Variants in ASTN2 observed in about 807,000 individuals in gnomAD.
ASTN2 encodes astrotactin 2, also known as astrotactin-2.
A neutral mutation model predicts 139.8 loss-of-function variants in ASTN2; 54 were observed. The ratio of observed to expected loss-of-function variants is 0.39; its 90% CI spans 0.31 to 0.48. The LOEUF (loss-of-function observed/expected upper bound fraction) is 0.48, where lower values mean the gene tolerates loss of function less well. Ranked by LOEUF, ASTN2 falls within the 20% of genes least tolerant of loss-of-function variation. ASTN2 has a pLI of 0.95. For synonymous variants in ASTN2, 756 were observed against 719.5 expected (o/e 1.05, Z -0.81); for missense variants, 1,565 against 1,725.1 (o/e 0.91, Z 1.64).
At chr9:116,716,797 T>C (rs1270541063) in intron 16 of ASTN2, among the ~76,000 whole-genome samples, 1 of 152,202 alleles carries the variant, frequency 6.6e-6, no homozygotes, top group Admixed American at 6.5e-5. Flanking sequence ...AGAAGCAGAT[T>C]ATGCTGGGAG....
At chr9:117,002,293 C>A (rs150793158) in intron 7 of ASTN2, among the ~76,000 whole-genome samples, 35 of 152,236 alleles carry the variant, frequency 2.3e-4, no homozygotes, top group Admixed American at 6.5e-4. Context: ...GTAATCCATT[C>A]TACTGAGAAG....
intron 16 of ASTN2, among the ~76,000 whole-genome samples, chr9:116,680,331 T>C (rs561089679): frequency 1.3e-5 from 2 of 152,258 alleles, no homozygotes; most frequent in East Asian, 1.9e-4. Flanking sequence ...CAGGAAGAAG[T>C]TGAATCTCTG....
chr9:116,767,371 A>G (rs997936387), intron 13 of ASTN2, among the ~76,000 whole-genome samples: 1 of 152,218 alleles, frequency 6.6e-6, no homozygotes, highest in Non-Finnish European at 1.5e-5. Flanking sequence ...GTGATTGTTC[A>G]GGTTTAATTA....
intron 20 of ASTN2, among the ~76,000 whole-genome samples, chr9:116,469,154 G>A (rs548122399): frequency 1.3e-5 from 2 of 152,238 alleles, no homozygotes; most frequent in African/African-American, 2.4e-5. Flanking sequence ...AGAGAAAAAG[G>A]TACTCAAAAA....
chr9:117,012,980 A>G (rs575579012), intron 6 of ASTN2, among the ~76,000 whole-genome samples: 4 of 152,184 alleles, frequency 2.6e-5, no homozygotes, highest in Non-Finnish European at 5.9e-5. Flanking sequence ...AAGATCAGAT[A>G]TGAAAAATCT....
At chr9:117,031,764 G>T (rs1331587789) in intron 6 of ASTN2, among the ~76,000 whole-genome samples, 1 of 152,096 alleles carries the variant, frequency 6.6e-6, no homozygotes, top group Non-Finnish European at 1.5e-5. Flanking sequence ...AGGCAACAGA[G>T]AAATTTAAGA....
intron 6 of ASTN2, among the ~76,000 whole-genome samples, chr9:117,034,197 G>A (rs1302733420): frequency 6.6e-6 from 1 of 152,074 alleles, no homozygotes; most frequent in Non-Finnish European, 1.5e-5. Context: ...CTCTTCTATT[G>A]GCTGACCACA....
chr9:117,255,111 A>G (rs1833648716), intron 2 of ASTN2, among the ~76,000 whole-genome samples: 1 of 152,202 alleles, frequency 6.6e-6, no homozygotes, highest in African/African-American at 2.4e-5. Flanking sequence ...TTGGTGACTT[A>G]TTCCATTCTG....
chr9:116,905,875 G>T (rs1046047431), intron 10 of ASTN2, among the ~76,000 whole-genome samples: 4 of 139,190 alleles, frequency 2.9e-5, no homozygotes, highest in Admixed American at 7.3e-5. Context: ...TTGGGGGGGG[G>T]TGCGGGGGGT....
chr9:117,164,668 G>A (rs1830629699), intron 3 of ASTN2, among the ~76,000 whole-genome samples: 1 of 152,070 alleles, frequency 6.6e-6, no homozygotes, highest in Admixed American at 6.6e-5. Flanking sequence ...AAGCAGCGAA[G>A]GTTCCTCAGG....
At chr9:116,589,178 G>A (rs1276460555) in intron 19 of ASTN2, among the ~76,000 whole-genome samples, 1 of 152,210 alleles carries the variant, frequency 6.6e-6, no homozygotes, top group African/African-American at 2.4e-5. Flanking sequence ...ATTAAGAAAG[G>A]TAGGAGGAAT....
At chr9:117,378,974 C>T (rs1830196204) in intron 1 of ASTN2, among the ~76,000 whole-genome samples, 1 of 152,122 alleles carries the variant, frequency 6.6e-6, no homozygotes, top group African/African-American at 2.4e-5. Flanking sequence ...ACCACCTCCT[C>T]CTTTGCTCTC....
chr9:116,794,240 A>G (rs1830631109), intron 13 of ASTN2, among the ~76,000 whole-genome samples: 1 of 151,806 alleles, frequency 6.6e-6, no homozygotes, highest in Non-Finnish European at 1.5e-5. Context: ...CTGGGATTAC[A>G]GGCAGGCGCC....
intron 16 of ASTN2, among the ~76,000 whole-genome samples, chr9:116,680,156 A>G (rs1401468481): frequency 3.3e-5 from 5 of 152,190 alleles, no homozygotes; most frequent in Non-Finnish European, 7.3e-5. Context: ...AAGAGAGAAG[A>G]ATCAAATAGA....
intron 16 of ASTN2, among the ~76,000 whole-genome samples, chr9:116,720,973 C>T (rs1411930474): frequency 6.6e-6 from 1 of 152,120 alleles, no homozygotes; most frequent in Non-Finnish European, 1.5e-5. Context: ...AATTAGCAAG[C>T]CCCACCCCTG....
At chr9:116,527,135 A>AT (rs1407988142) in intron 19 of ASTN2, among the ~76,000 whole-genome samples, 2 of 152,176 alleles carry the variant, frequency 1.3e-5, no homozygotes, top group Admixed American at 6.6e-5. Flanking sequence ...CTTGGCAATG[A>AT]TTTTTTAGAT....
chr9:117,148,381 C>T (rs1298453512), intron 3 of ASTN2, among the ~76,000 whole-genome samples: 1 of 152,230 alleles, frequency 6.6e-6, no homozygotes, highest in Non-Finnish European at 1.5e-5. Context: ...ACTCATCTTT[C>T]TCTCACTAAC....
chr9:116,887,784 C>A (rs1564324039), intron 10 of ASTN2, among the ~76,000 whole-genome samples: 1 of 152,086 alleles, frequency 6.6e-6, no homozygotes, highest in African/African-American at 2.4e-5. Flanking sequence ...CCTCCCACCT[C>A]AGCCTCCCAA....
intron 19 of ASTN2, among the ~76,000 whole-genome samples, chr9:116,616,104 G>A (rs1253277285): frequency 6.6e-6 from 1 of 151,962 alleles, no homozygotes; most frequent in East Asian, 1.9e-4. Context: ...CATCAAAATT[G>A]GAAAGAAAGA....
Sources: gnomAD v4.1 joint callset for allele counts (sites outside exome capture counted in the v4.1 genomes callset) on GRCh38, gnomAD v4.1.1 for gene constraint, MANE v1.5 for transcripts, NCBI Gene and HGNC (gene_info 2026-07-23, HGNC 2026-07-21) for gene names.